The following PHACTR1 variants were observed in gnomAD, a reference collection of about 807,000 sequenced individuals.
PHACTR1 encodes phosphatase and actin regulator 1, also known as RPEL repeat containing 1.
Under a neutral mutation model 69.2 loss-of-function variants are expected in PHACTR1, and 16 were observed. The observed-to-expected ratio is 0.23, with a 90% CI of 0.16 to 0.35. The LOEUF (loss-of-function observed/expected upper bound fraction) is 0.35. Among genes scored for constraint, PHACTR1 ranks in the 10% least tolerant of loss-of-function variants. PHACTR1 has a pLI of 1.00. For missense variants in PHACTR1, 510 were observed against 734.7 expected (o/e 0.69, Z 3.54); for synonymous variants, 312 against 284.5 (o/e 1.10, Z -0.97).
At chr6:13,206,426 G>A (rs548047369) in intron 8 of PHACTR1, among the ~76,000 whole-genome samples, 11 of 152,254 alleles carry the variant, frequency 7.2e-5, no homozygotes, top group Admixed American at 2.6e-4. Context: ...TAGTAGGTTC[G>A]TGAAAATTGC....
At chr6:12,884,672 G>A (rs958869260) in intron 4 of PHACTR1, among the ~76,000 whole-genome samples, 1 of 152,084 alleles carries the variant, frequency 6.6e-6, no homozygotes, top group Non-Finnish European at 1.5e-5. Flanking sequence ...AAGGGGTGGG[G>A]TTACAGGCGT....
chr6:12,819,950 C>T (rs1487276276), intron 4 of PHACTR1, among the ~76,000 whole-genome samples: 1 of 152,128 alleles, frequency 6.6e-6, no homozygotes, highest in Non-Finnish European at 1.5e-5. Flanking sequence ...TGTATTACTT[C>T]CTTTCTGCTG....
intron 6 of PHACTR1, among the ~76,000 whole-genome samples, chr6:13,161,695 G>C (rs1306219107): frequency 6.6e-6 from 1 of 152,156 alleles, no homozygotes; most frequent in African/African-American, 2.4e-5. Flanking sequence ...AGACTCCACT[G>C]TTTTGTGGGT....
intron 10 of PHACTR1, among the ~76,000 whole-genome samples, chr6:13,248,137 TGGTGGTTCTCTGTCAA>T (rs971079977): frequency 2.0e-5 from 3 of 152,218 alleles, no homozygotes; most frequent in African/African-American, 7.2e-5. Flanking sequence ...GCCCTCGTTG[TGGTGGTTCTCTGTCAA>T]GTTTCCCTCT....
intron 4 of PHACTR1, among the ~76,000 whole-genome samples, chr6:12,966,242 C>G (rs1443784634): frequency 6.6e-6 from 1 of 152,168 alleles, no homozygotes; most frequent in Admixed American, 6.5e-5. Flanking sequence ...CTGTTACTTC[C>G]TGAGCACTCA....
chr6:12,935,156 T>C (rs1470425653), intron 4 of PHACTR1, among the ~76,000 whole-genome samples: 2 of 152,226 alleles, frequency 1.3e-5, no homozygotes, highest in African/African-American at 4.8e-5. Context: ...GAGCCTATAA[T>C]TTAATGTGTG....
chr6:12,822,146 G>C (rs185373683), intron 4 of PHACTR1, among the ~76,000 whole-genome samples: 2 of 152,196 alleles, frequency 1.3e-5, no homozygotes, highest in African/African-American at 4.8e-5. Flanking sequence ...ACAAGAACCT[G>C]GCTGTGGCAG....
At chr6:12,916,338 A>G (rs1015780526) in intron 4 of PHACTR1, among the ~76,000 whole-genome samples, 2 of 152,092 alleles carry the variant, frequency 1.3e-5, no homozygotes, top group Admixed American at 6.5e-5. Context: ...TGTGTGGAAT[A>G]CCCTTCCTTG....
chr6:12,891,434 G>A (rs1784163011), intron 4 of PHACTR1, among the ~76,000 whole-genome samples: 1 of 152,188 alleles, frequency 6.6e-6, no homozygotes, highest in Non-Finnish European at 1.5e-5. Flanking sequence ...ATATGGTGCT[G>A]TCATTACTTA....
chr6:13,149,031 G>A (rs1823876486), intron 5 of PHACTR1, among the ~76,000 whole-genome samples: 1 of 152,176 alleles, frequency 6.6e-6, no homozygotes, highest in Non-Finnish European at 1.5e-5. Context: ...TGGACTTAGG[G>A]TTTTCGGTTG....
intron 4 of PHACTR1, among the ~76,000 whole-genome samples, chr6:13,027,410 G>A (rs745437861): frequency 1.1e-4 from 17 of 152,112 alleles, no homozygotes; most frequent in Non-Finnish European, 2.2e-4. Context: ...TTATGCCAAC[G>A]GGAAGTGTGG....
chr6:13,251,000 TAC>T (rs137996162), intron 10 of PHACTR1, among the ~76,000 whole-genome samples: 7 of 151,452 alleles, frequency 4.6e-5, no homozygotes, highest in East Asian at 3.9e-4. Flanking sequence ...ATATCCATTT[TAC>T]ACACACACAC....
At chr6:12,908,255 T>A (rs1056085610) in intron 4 of PHACTR1, among the ~76,000 whole-genome samples, 1 of 152,224 alleles carries the variant, frequency 6.6e-6, no homozygotes, top group Non-Finnish European at 1.5e-5. Context: ...TTCCCCTTCA[T>A]CTTTGCTTCT....
intron 4 of PHACTR1, among the ~76,000 whole-genome samples, chr6:12,874,101 G>C (rs115623384): frequency 8.5e-5 from 13 of 152,334 alleles, no homozygotes; most frequent in African/African-American, 3.1e-4. Context: ...TAGGAATCTT[G>C]TTTAAATGCG....
At position 13,283,647 on chromosome 6, in the gene PHACTR1, G is replaced by C. The variant is rs1312287047; in HGVS notation, c.1650+85G>C. Reference sequence around the variant, plus strand: ...CTCACCGCTGGGGAGCGTGTAGGGAGACCTGCAGCCAGGCCTCAGCCGCAG... The same window carrying C: ...CTCACCGCTGGGGAGCGTGTAGGGACACCTGCAGCCAGGCCTCAGCCGCAG... On this transcript the variant is annotated intron_variant, in intron 13 of 14. Transcript: ENST00000332995. The surrounding 1 kb of genome is among the most constrained non-coding windows in gnomAD (Gnocchi z 4.7). The C allele has an allele frequency of 3.7e-6, 6 of 1,601,478 alleles. No homozygotes were observed. Among genetic ancestry groups the C allele is most frequent in the Non-Finnish European group, 5.1e-6 (6 of 1,172,354 alleles).
Position 13,278,246 on chromosome 6 carries a change from AC to A in PHACTR1, c.1448-21del, listed in dbSNP as rs557588282. 2,289 of 1,564,052 alleles carry A rather than the reference AC, an allele frequency of 1.5e-3. 6 individuals carry two copies. Among genetic ancestry groups the A allele is most frequent in the Admixed American group, 2.1e-3 (111 of 52,284 alleles). On this transcript the variant is annotated intron_variant, in intron 11 of 14. Transcript: ENST00000332995. Reference sequence around the variant, plus strand: ...CAACACTGTTTACTGAAATAAAAAAACATCTTAAATATTTTTTTTAGCTCGG... The same window carrying A: ...CAACACTGTTTACTGAAATAAAAAAAATCTTAAATATTTTTTTTAGCTCGG...
intron 5 of PHACTR1, among the ~76,000 whole-genome samples, chr6:13,076,337 T>C (rs1158995415): frequency 6.6e-6 from 1 of 152,182 alleles, no homozygotes; most frequent in Admixed American, 6.5e-5. Context: ...TCCCAATTGA[T>C]AATTATTTCC....
chr6:13,115,351 C>T (rs2127923178), intron 5 of PHACTR1, among the ~76,000 whole-genome samples: 1 of 152,256 alleles, frequency 6.6e-6, no homozygotes. Flanking sequence ...GAGAAAAACC[C>T]CCTCTCTCAA....
chr6:13,223,154 G>C (rs978146066), intron 8 of PHACTR1, among the ~76,000 whole-genome samples: 1 of 151,992 alleles, frequency 6.6e-6, no homozygotes, highest in South Asian at 2.1e-4. Flanking sequence ...AAAAAATACC[G>C]TACTGACTTA....
Sources: allele counts gnomAD v4.1 joint callset (sites outside exome capture counted in the v4.1 genomes callset), GRCh38; gene constraint gnomAD v4.1.1; non-coding constraint Gnocchi (gnomAD v3.1); transcripts MANE v1.5; gene names NCBI Gene and HGNC (gene_info 2026-07-23, HGNC 2026-07-21).